LRRTM4: variants seen among roughly 807,000 people sequenced by gnomAD.
LRRTM4 encodes the protein leucine-rich repeat transmembrane neuronal protein 4.
In LRRTM4, 25 loss-of-function variants were observed where a neutral mutation model predicts 47.6. The observed-to-expected ratio is 0.53, with a 90% CI of 0.38 to 0.73. LRRTM4 has a LOEUF of 0.73. Among genes scored for constraint, LRRTM4 ranks in the 30% least tolerant of loss-of-function variants. The probability of loss-of-function intolerance (pLI) is 0.00; values close to 1 mark genes in which losing one functional copy is unlikely to be tolerated. For synonymous variants in LRRTM4, 311 were observed against 269.5 expected (o/e 1.15, Z -1.51); for missense variants, 638 against 713.4 (o/e 0.89, Z 1.20).
intron 3 of LRRTM4, among the ~76,000 whole-genome samples, chr2:77,036,902 T>C (rs141098723): frequency 1.3e-5 from 2 of 151,870 alleles, no homozygotes; most frequent in South Asian, 2.1e-4. Flanking sequence ...AGATTATTTA[T>C]TAACCTAAGG....
At chr2:76,888,469 TA>T (rs1234833145) in intron 3 of LRRTM4, among the ~76,000 whole-genome samples, 7 of 151,636 alleles carry the variant, frequency 4.6e-5, no homozygotes, top group Non-Finnish European at 1.0e-4. Context: ...TATTTTTTTA[TA>T]TGTACTCATA....
At chr2:76,803,075 A>G (rs934909402) in intron 3 of LRRTM4, among the ~76,000 whole-genome samples, 5 of 152,254 alleles carry the variant, frequency 3.3e-5, no homozygotes, top group South Asian at 2.1e-4. Context: ...TATGAACAAA[A>G]AAGTATGGGT....
chr2:77,115,673 G>A lies in LRRTM4; in HGVS notation c.1552-366757C>T, dbSNP rs192984507. Among the ~76,000 whole-genome samples, 574 of 152,210 alleles carry A rather than the reference G, an allele frequency of 3.8e-3. 2 individuals carry two copies. The highest frequency in any genetic ancestry group is 0.013 in the African/African-American group (548 of 41,530). ...GCAAGATGATTTTTTAGACTCATTG[G>A]AAAATTTCGCCTGTTGAATCATGTA... On this transcript the variant is annotated intron_variant, in intron 3 of 3. Transcript: ENST00000409884.
At chr2:77,339,016 G>T (rs555234378) in intron 3 of LRRTM4, among the ~76,000 whole-genome samples, 1 of 151,758 alleles carries the variant, frequency 6.6e-6, no homozygotes, top group Non-Finnish European at 1.5e-5. Context: ...ACCAAATATC[G>T]CATGTTCCCA....
At chr2:76,801,866 A>G (rs1395365277) in intron 3 of LRRTM4, among the ~76,000 whole-genome samples, 1 of 152,162 alleles carries the variant, frequency 6.6e-6, no homozygotes, top group Non-Finnish European at 1.5e-5. Context: ...AATGAAGGAC[A>G]AACACCATAA....
chr2:76,820,012 G>A (rs1671008501), intron 3 of LRRTM4, among the ~76,000 whole-genome samples: 1 of 151,866 alleles, frequency 6.6e-6, no homozygotes, highest in East Asian at 1.9e-4. Flanking sequence ...GATCCCACAT[G>A]TTCTTACAGA....
chr2:77,131,382 C>G (rs1354736332), intron 3 of LRRTM4, among the ~76,000 whole-genome samples: 2 of 152,104 alleles, frequency 1.3e-5, no homozygotes, highest in African/African-American at 4.8e-5. Flanking sequence ...CTTTTAAGCA[C>G]GAGTGTTTCC....
chr2:77,291,178 C>T (rs977014969), intron 3 of LRRTM4, among the ~76,000 whole-genome samples: 1 of 151,860 alleles, frequency 6.6e-6, no homozygotes. Context: ...TAAACTATAG[C>T]TGTGTTAATG....
At chr2:76,929,919 TAG>T (rs1674713490) in intron 3 of LRRTM4, among the ~76,000 whole-genome samples, 1 of 124,364 alleles carries the variant, frequency 8.0e-6, no homozygotes, top group Non-Finnish European at 1.7e-5. Context: ...TAATTGCAAT[TAG>T]AGTTTGTGTG....
At chr2:76,787,656 T>G (rs1488489043) in intron 3 of LRRTM4, among the ~76,000 whole-genome samples, 1 of 152,124 alleles carries the variant, frequency 6.6e-6, no homozygotes, top group Admixed American at 6.6e-5. Context: ...ACTTTGTGGT[T>G]CAGTGGGGAG....
chr2:77,416,130 C>A (rs965632373), intron 3 of LRRTM4, among the ~76,000 whole-genome samples: 4 of 152,078 alleles, frequency 2.6e-5, no homozygotes, highest in African/African-American at 9.6e-5. Context: ...TTTGCACTTT[C>A]CTTTTGTTTG....
intron 3 of LRRTM4, among the ~76,000 whole-genome samples, chr2:77,483,136 A>C (rs1677780795): frequency 6.7e-6 from 1 of 149,440 alleles, no homozygotes; most frequent in African/African-American, 2.5e-5. Context: ...AAAAAAAAAA[A>C]AAAAAAAAAA....
intron 3 of LRRTM4, among the ~76,000 whole-genome samples, chr2:77,501,866 T>C (rs1302366305): frequency 2.6e-5 from 4 of 151,390 alleles, no homozygotes; most frequent in Non-Finnish European, 5.9e-5. Flanking sequence ...CATGTGTCAC[T>C]AGTAGTCACA....
chr2:77,179,122 G>C (rs1210930350), intron 3 of LRRTM4, among the ~76,000 whole-genome samples: 5 of 152,152 alleles, frequency 3.3e-5, no homozygotes, highest in Admixed American at 1.3e-4. Flanking sequence ...GGTAGGACAT[G>C]CATCACTAAG....
chr2:77,161,955 G>A (rs893955483), intron 3 of LRRTM4, among the ~76,000 whole-genome samples: 33 of 152,154 alleles, frequency 2.2e-4, no homozygotes, highest in African/African-American at 8.0e-4. Flanking sequence ...AGCTCCCAGC[G>A]TGAGCAACAC....
intron 3 of LRRTM4, among the ~76,000 whole-genome samples, chr2:77,077,718 T>C (rs1325629811): frequency 1.3e-5 from 2 of 152,134 alleles, no homozygotes; most frequent in South Asian, 2.1e-4. Context: ...CTCTAAAACA[T>C]AGAGTATGTT....
At chr2:77,424,426 A>T (rs548599872) in intron 3 of LRRTM4, among the ~76,000 whole-genome samples, 1 of 132,006 alleles carries the variant, frequency 7.6e-6, no homozygotes, top group Non-Finnish European at 1.7e-5. Flanking sequence ...ATACTCCATT[A>T]TACAGTGAAC....
At chr2:77,010,723 G>A (rs974543720) in intron 3 of LRRTM4, among the ~76,000 whole-genome samples, 1 of 151,914 alleles carries the variant, frequency 6.6e-6, no homozygotes, top group African/African-American at 2.4e-5. Context: ...CTCTGCCCAG[G>A]ATGTAAAAAA....
intron 3 of LRRTM4, among the ~76,000 whole-genome samples, chr2:77,202,954 T>C (rs893921770): frequency 6.6e-6 from 1 of 151,994 alleles, no homozygotes; most frequent in African/African-American, 2.4e-5. Flanking sequence ...TTTGAGTGCT[T>C]TGGAAGGCCC....
Sources: allele counts gnomAD v4.1 joint callset (sites outside exome capture counted in the v4.1 genomes callset), GRCh38; gene constraint gnomAD v4.1.1; transcripts MANE v1.5; gene names NCBI Gene and HGNC (gene_info 2026-07-23, HGNC 2026-07-21).